The following NHS variants were observed in gnomAD, a reference collection of about 807,000 sequenced individuals.
NHS encodes actin remodeling regulator NHS.
In NHS, 5 loss-of-function variants were observed where a neutral mutation model predicts 72.5. The ratio of observed to expected loss-of-function variants is 0.07; its 90% confidence interval spans 0.04 to 0.14. The LOEUF is 0.14. Ranked by LOEUF, NHS falls within the 10% of genes least tolerant of loss-of-function variation. The probability of loss-of-function intolerance (pLI) is 1.00; values close to 1 mark genes in which losing one functional copy is unlikely to be tolerated. For missense variants in NHS, 1,072 were observed against 1,355.7 expected, an observed-to-expected ratio of 0.79 and a Z score of 3.29; for synonymous variants, 464 against 547.7, an observed-to-expected ratio of 0.85 and a Z score of 2.13.
intron 1 of NHS, among the ~76,000 whole-genome samples, chrX:17,660,688 T>C (rs193203304): frequency 8.9e-6 from 1 of 112,381 alleles, no homozygotes; most frequent in East Asian, 2.8e-4. Context: ...CTGGATTTCT[T>C]ACCTGGCAAC....
intron 1 of NHS, among the ~76,000 whole-genome samples, chrX:17,404,868 C>T (rs1185108200): frequency 9.1e-6 from 1 of 110,168 alleles, no homozygotes; most frequent in Non-Finnish European, 1.9e-5. Flanking sequence ...ATTACCTGCT[C>T]ATTTTTGTGC....
intron 1 of NHS, among the ~76,000 whole-genome samples, chrX:17,608,419 G>C (rs1401177539): frequency 1.8e-5 from 2 of 112,135 alleles, no homozygotes; most frequent in Admixed American, 1.9e-4. Context: ...AGGTAGCTAA[G>C]TAAAACAAGA....
At chrX:17,473,780 A>T (rs1373603506) in intron 1 of NHS, among the ~76,000 whole-genome samples, 2 of 112,012 alleles carry the variant, frequency 1.8e-5, no homozygotes, top group Admixed American at 1.9e-4. Flanking sequence ...AATATTTTAG[A>T]CATAATGGAT....
At chrX:17,691,778 A>G (rs750558632) in intron 2 of NHS, among the ~76,000 whole-genome samples, 16 of 112,532 alleles carry the variant, frequency 1.4e-4, no homozygotes, top group Admixed American at 7.5e-4. Flanking sequence ...ACTAGACTTT[A>G]ATGAAAGCAT....
chrX:17,727,118 C>T lies in NHS; in HGVS notation c.3012C>T (p.Asp1004=). The T allele has an allele frequency of 8.3e-7, 1 of 1,212,023 alleles. No homozygotes were observed. Among genetic ancestry groups the T allele is most frequent in the Non-Finnish European group, 1.1e-6 (1 of 895,538 alleles). The change falls in exon 7 of 9, where the codon GAC becomes GAT. Residue 1004 remains aspartate (D), a synonymous_variant. Coordinates refer to ENST00000676302, the MANE Select transcript of NHS (RefSeq NM_001291867.2). ...RATTPSLPSV[D]NEFKLASPEK... Reference sequence around the variant, plus strand: ...CCACCCCATCTCTTCCTTCTGTTGACAATGAGTTTAAACTGGCTTCACCAG... The same window carrying T: ...CCACCCCATCTCTTCCTTCTGTTGATAATGAGTTTAAACTGGCTTCACCAG...
Position 17,712,395 on chromosome X carries a change from T to C in NHS, c.853-6949T>C, listed in dbSNP as rs181823709. ...ACACACACACACACACACACACACA[T>C]ATATATATATATATATATTGCAAAG... On this transcript the variant is annotated intron_variant, in intron 3 of 8. Transcript: ENST00000676302. Among the ~76,000 whole-genome samples the C allele has an allele frequency of 9.8e-3, 802 of 81,503 alleles. 8 individuals carry two copies. Among genetic ancestry groups the C allele is most frequent in the East Asian group, 0.037 (98 of 2,614 alleles). The allele number at this position is 81,503 out of a possible 115,157, so 70.8% of individuals were successfully genotyped here.
intron 1 of NHS, among the ~76,000 whole-genome samples, chrX:17,395,058 C>A (rs758646237): frequency 1.8e-5 from 2 of 110,681 alleles, no homozygotes; most frequent in South Asian, 7.8e-4. Flanking sequence ...AGTTTGGGCA[C>A]CTCCTCTGCT....
At chrX:17,673,233 C>T (rs1438878259) in intron 1 of NHS, among the ~76,000 whole-genome samples, 1 of 91,421 alleles carries the variant, frequency 1.1e-5, no homozygotes, top group Non-Finnish European at 2.1e-5. Flanking sequence ...CACACACACA[C>T]ACACAAGAAA....
chrX:17,461,116 C>T (rs1356194533), intron 1 of NHS, among the ~76,000 whole-genome samples: 1 of 112,060 alleles, frequency 8.9e-6, no homozygotes, highest in Non-Finnish European at 1.9e-5. Flanking sequence ...AGGAATGTAG[C>T]ATTTTATTTG....
chrX:17,381,977 C>T (rs755445389), intron 1 of NHS, among the ~76,000 whole-genome samples: 2 of 112,460 alleles, frequency 1.8e-5, no homozygotes, highest in African/African-American at 6.5e-5. Context: ...AATGAAATCT[C>T]ATACTGGTTT....
chrX:17,725,912 G>A lies in NHS; in HGVS notation c.1806G>A (p.Thr602=), dbSNP rs148872135. The A allele has an allele frequency of 9.6e-5, 116 of 1,209,597 alleles. No individual in the cohort carries two copies. The African/African-American group carries it at 1.7e-3, about 17-fold the overall frequency. ...GTGACATCTCCTCCAACTCAGACAC[G>A]TTTGGGAGCCCCATCCACTGCATCT... is the stretch of plus-strand genomic sequence containing the variant. ...GSCDISSNSD[T]FGSPIHCIST... is the part of the protein sequence containing the mutation. Residue 602 remains threonine (T), a synonymous_variant, in exon 7 of 9, where the codon ACG becomes ACA. Transcript: ENST00000676302.
Position 17,680,771 on chromosome X carries a change from C to A in NHS, c.566-6971C>A, listed in dbSNP as rs2066123146. On this transcript the variant is annotated intron_variant, in intron 1 of 8. Transcript: ENST00000676302. ...AAAAAAAATACAGAAGTCCAAATTT[C>A]TGAGGTCCCTTCCATTAGTAGAATC... Among the ~76,000 whole-genome samples, 4 of 110,230 alleles carry A rather than the reference C, an allele frequency of 3.6e-5. No individual in the cohort carries two copies. The East Asian group carries it at 1.2e-3, about 33-fold the overall frequency.
chrX:17,673,508 A>G (rs1027880609), intron 1 of NHS, among the ~76,000 whole-genome samples: 1 of 111,487 alleles, frequency 9.0e-6, no homozygotes, highest in Non-Finnish European at 1.9e-5. Context: ...GTGCCTATAC[A>G]GTAAGTTGGA....
chrX:17,494,060 A>AGCAGGTCC (rs756718042), intron 1 of NHS, among the ~76,000 whole-genome samples: 118 of 102,576 alleles, frequency 1.2e-3, no homozygotes, highest in South Asian at 2.5e-3. Flanking sequence ...TGAAGTACAG[A>AGCAGGTCC]GCAGGTCCTG....
chrX:17,465,727 G>A (rs1172581854), intron 1 of NHS, among the ~76,000 whole-genome samples: 1 of 111,870 alleles, frequency 8.9e-6, no homozygotes, highest in Non-Finnish European at 1.9e-5. Flanking sequence ...ATACTTTTGT[G>A]TGTGGCAATT....
intron 1 of NHS, among the ~76,000 whole-genome samples, chrX:17,393,418 A>G (rs2064455479): frequency 8.9e-6 from 1 of 112,556 alleles, no homozygotes; most frequent in South Asian, 3.7e-4. Flanking sequence ...CCAGCTTTAA[A>G]AAAACATTGG....
At chrX:17,452,601 T>A (rs1481810506) in intron 1 of NHS, among the ~76,000 whole-genome samples, 1 of 111,476 alleles carries the variant, frequency 9.0e-6, no homozygotes, top group Non-Finnish European at 1.9e-5. Flanking sequence ...CAACTGTAAT[T>A]GCATTTTTGC....
At chrX:17,451,686 A>T (rs1222700447) in intron 1 of NHS, among the ~76,000 whole-genome samples, 1 of 112,027 alleles carries the variant, frequency 8.9e-6, no homozygotes, top group African/African-American at 3.2e-5. Context: ...TCTATCTCTT[A>T]TAGTATGTAT....
intron 1 of NHS, among the ~76,000 whole-genome samples, chrX:17,400,739 G>T (rs144352766): frequency 6.9e-4 from 78 of 112,261 alleles, no homozygotes; most frequent in African/African-American, 2.5e-3. Flanking sequence ...ACATAAAGAA[G>T]ATTAAATAAA....
Sources: allele counts gnomAD v4.1 joint callset (sites outside exome capture counted in the v4.1 genomes callset), GRCh38; gene constraint gnomAD v4.1.1; transcripts MANE v1.5; gene names NCBI Gene and HGNC (gene_info 2026-07-23, HGNC 2026-07-21).